Variants in HEPHL1 observed in about 807,000 individuals in gnomAD.
The protein encoded by HEPHL1 is hephaestin like 1.
HEPHL1 carries 123 observed loss-of-function variants against 122.0 expected under a neutral mutation model. The ratio of observed to expected loss-of-function variants is 1.01; its 90% CI spans 0.87 to 1.17. HEPHL1 has a LOEUF of 1.17. Ranked by LOEUF, HEPHL1 falls within the 50% of genes most tolerant of loss-of-function variation. The pLI, the probability that HEPHL1 is intolerant of heterozygous loss-of-function variation, is 0.00. For missense variants in HEPHL1, 1,452 were observed against 1,430.5 expected (o/e 1.01, Z -0.24); for synonymous variants, 527 against 508.9 (o/e 1.04, Z -0.48).
At position 94,067,660 on chromosome 11, in the gene HEPHL1, C is replaced by A; in HGVS notation, c.973C>A (p.Leu325Met). ...SRGHRTDVVN[L>M]FPATFLTTEM... is the part of the protein sequence containing the mutation. The stretch of plus-strand genomic sequence containing the variant: ...AGGGCATCGGACTGATGTCGTCAAC[C>A]TGTTCCCAGCCACCTTCCTTACAAC... Residue 325 changes from leucine to methionine, a missense_variant, in exon 5 of 20, where the codon CTG becomes ATG. Transcript: ENST00000315765. 1 of 1,613,778 alleles carries A rather than the reference C, an allele frequency of 6.2e-7. No homozygotes were observed. The highest frequency in any genetic ancestry group is 8.5e-7 in the Non-Finnish European group (1 of 1,179,748).
At chr11:94,036,025 C>T (rs192922856) in intron 1 of HEPHL1, among the ~76,000 whole-genome samples, 153 of 152,344 alleles carry the variant, frequency 1.0e-3, no homozygotes, top group Middle Eastern at 6.8e-3. Flanking sequence ...CGTGAGCCAA[C>T]GCGCCCAGCC....
chr11:94,097,592 G>T (rs1946328592), intron 13 of HEPHL1, among the ~76,000 whole-genome samples: 2 of 152,174 alleles, frequency 1.3e-5, no homozygotes, highest in Admixed American at 6.5e-5. Flanking sequence ...CTGTCTCATT[G>T]ATCTGTCTAA....
chr11:94,066,167 C>G (rs554279031), intron 4 of HEPHL1, among the ~76,000 whole-genome samples: 1 of 152,318 alleles, frequency 6.6e-6, no homozygotes, highest in African/African-American at 2.4e-5. Context: ...GCACCCCAGC[C>G]TGGGTGACAG....
intron 13 of HEPHL1, among the ~76,000 whole-genome samples, chr11:94,100,729 CA>C (rs532754646): frequency 1.2e-3 from 181 of 152,256 alleles, no homozygotes; most frequent in African/African-American, 4.3e-3. Flanking sequence ...AGGTTATACA[CA>C]GGGGGATTAC....
intron 1 of HEPHL1, among the ~76,000 whole-genome samples, chr11:94,036,910 GT>G (rs1243414331): frequency 1.3e-5 from 2 of 151,830 alleles, no homozygotes; most frequent in Non-Finnish European, 2.9e-5. Context: ...AGCTCCCAGC[GT>G]GAGCGACACA....
At position 94,106,030 on chromosome 11, in the gene HEPHL1, T is replaced by G. The variant is rs370786634; in HGVS notation, c.2945T>G (p.Ile982Arg). The G allele has an allele frequency of 1.3e-6, 2 of 1,599,978 alleles. No individual in the cohort carries two copies. The highest frequency in any genetic ancestry group is 8.5e-7 in the Non-Finnish European group (1 of 1,170,472). The part of the protein sequence containing the change: ...GKIFGNLHGL[I>R]MNEDTMTNWY... ...ATTTTTGGGAATCTCCATGGCCTCA[T>G]AATGAACGAAGATACAATGACAAAC... The change falls in exon 17 of 20, where the codon ATA becomes AGA. Residue 982 changes from isoleucine to arginine, a missense_variant. Ile to Arg is a moderately conservative substitution (Grantham distance 97). Coordinates refer to ENST00000315765, the MANE Select transcript of HEPHL1 (RefSeq NM_001098672.2).
At chr11:94,075,865 A>G (rs1210427770) in intron 9 of HEPHL1, among the ~76,000 whole-genome samples, 1 of 152,174 alleles carries the variant, frequency 6.6e-6, no homozygotes, top group East Asian at 1.9e-4. Flanking sequence ...GTTAATCACT[A>G]TGGCTGAAGG....
At chr11:94,048,146 T>G (rs2462753) in intron 2 of HEPHL1, among the ~76,000 whole-genome samples, 71,126 of 151,994 alleles carry the variant, frequency 0.47, 16,985 homozygotes, top group East Asian at 0.56. Flanking sequence ...TATGTATATT[T>G]TAGTATGCAT....
At chr11:94,111,109 C>T in intron 18 of HEPHL1, 44 bp downstream of exon 18, 1 of 1,503,818 alleles carries the variant, frequency 6.6e-7, no homozygotes, top group South Asian at 1.3e-5. Context: ...CACCGAGCTT[C>T]CTGTAGACCC....
intron 1 of HEPHL1, among the ~76,000 whole-genome samples, chr11:94,028,297 G>A (rs1208240002): frequency 6.6e-6 from 1 of 152,132 alleles, no homozygotes; most frequent in African/African-American, 2.4e-5. Flanking sequence ...AGACATAGTA[G>A]ATGATCAGCA....
chr11:94,064,455 C>A lies in HEPHL1; in HGVS notation c.753C>A (p.Asn251Lys). Residue 251 changes from asparagine (N) to lysine (K), a missense_variant, in exon 4 of 20, where the codon AAC becomes AAA. Coordinates refer to ENST00000315765, the MANE Select transcript of HEPHL1 (RefSeq NM_001098672.2). ...LNENIKHFCT[N>K]PDSVDKKDAV... ...AAAATATCAAACATTTCTGCACCAA[C>A]CCTGATTCAGTTGACAAGAAAGATG... The A allele has an allele frequency of 1.2e-6, 2 of 1,613,098 alleles. No individual in the cohort carries two copies. The highest frequency in any genetic ancestry group is 1.1e-5 in the South Asian group (1 of 91,032).
intron 1 of HEPHL1, among the ~76,000 whole-genome samples, chr11:94,035,237 G>A (rs181139198): frequency 2.1e-4 from 32 of 152,236 alleles, no homozygotes; most frequent in Non-Finnish European, 3.1e-4. Flanking sequence ...CCCATAACAC[G>A]TTCTTTTCCT....
chr11:94,058,782 A>G (rs1255548595), intron 2 of HEPHL1, among the ~76,000 whole-genome samples: 4 of 151,930 alleles, frequency 2.6e-5, no homozygotes, highest in Non-Finnish European at 5.9e-5. Flanking sequence ...CCTAGACTAG[A>G]CTCAAACTCC....
At chr11:94,079,172 T>C (rs562146025) in intron 9 of HEPHL1, among the ~76,000 whole-genome samples, 2 of 152,312 alleles carry the variant, frequency 1.3e-5, no homozygotes, top group East Asian at 3.9e-4. Context: ...AGTCATCTCA[T>C]TTAATCTTCA....
intron 8 of HEPHL1, among the ~76,000 whole-genome samples, chr11:94,074,633 GCA>G (rs1334361014): frequency 6.6e-6 from 1 of 152,080 alleles, no homozygotes; most frequent in Non-Finnish European, 1.5e-5. Context: ...AGGGTTAAGT[GCA>G]CAGTCTTTGG....
intron 17 of HEPHL1, among the ~76,000 whole-genome samples, chr11:94,110,209 C>T (rs1395694174): frequency 6.6e-6 from 1 of 151,948 alleles, no homozygotes; most frequent in African/African-American, 2.4e-5. Flanking sequence ...TTCCCTTTTC[C>T]CTTGGTTAGT....
chr11:94,079,185 A>C (rs1194762735), intron 9 of HEPHL1, among the ~76,000 whole-genome samples: 4 of 152,188 alleles, frequency 2.6e-5, no homozygotes, highest in Non-Finnish European at 4.4e-5. Context: ...AATCTTCACA[A>C]AAAACATGAT....
intron 1 of HEPHL1, among the ~76,000 whole-genome samples, chr11:94,024,574 T>G (rs1407650290): frequency 6.6e-6 from 1 of 152,140 alleles, no homozygotes; most frequent in Non-Finnish European, 1.5e-5. Flanking sequence ...TATTTTTCTT[T>G]CTCCATTTTT....
At chr11:94,028,063 C>A (rs1945641479) in intron 1 of HEPHL1, among the ~76,000 whole-genome samples, 1 of 152,154 alleles carries the variant, frequency 6.6e-6, no homozygotes, top group Admixed American at 6.5e-5. Flanking sequence ...CATGTTGGAT[C>A]TGACCACACT....
Sources: gnomAD v4.1 joint callset for allele counts (sites outside exome capture counted in the v4.1 genomes callset) on GRCh38, gnomAD v4.1.1 for gene constraint, MANE v1.5 for transcripts, NCBI Gene and HGNC (gene_info 2026-07-23, HGNC 2026-07-21) for gene names.